UGT8: variants seen among roughly 807,000 people sequenced by gnomAD.
UGT8 encodes the protein UDP glycosyltransferase 8.
UGT8 carries 12 observed loss-of-function variants against 40.5 expected under a neutral mutation model. That is an observed-to-expected ratio of 0.30 (90% confidence interval 0.19 to 0.48). UGT8 has a LOEUF of 0.48. Among genes scored for constraint, UGT8 ranks in the 20% least tolerant of loss-of-function variants. UGT8 has a pLI of 0.99. For synonymous variants in UGT8, 224 were observed against 240.4 expected (o/e 0.93, Z 0.63); for missense variants, 513 against 648.7 (o/e 0.79, Z 2.27).
intron 2 of UGT8, among the ~76,000 whole-genome samples, chr4:114,661,498 A>G (rs1734534060): frequency 6.6e-6 from 1 of 152,146 alleles, no homozygotes; most frequent in African/African-American, 2.4e-5. Context: ...AGTTCAGCAA[A>G]TTTAAGATTG....
At chr4:114,672,944 G>A (rs1015883501) in intron 5 of UGT8, among the ~76,000 whole-genome samples, 1 of 152,108 alleles carries the variant, frequency 6.6e-6, no homozygotes, top group Non-Finnish European at 1.5e-5. Context: ...GGATTCCTTT[G>A]AGTCTGGAGC....
intron 4 of UGT8, among the ~76,000 whole-genome samples, chr4:114,666,544 T>G (rs1203593794): frequency 6.6e-6 from 1 of 152,052 alleles, no homozygotes; most frequent in Non-Finnish European, 1.5e-5. Context: ...GATCCTTGTA[T>G]TTTTTTATTT....
chr4:114,675,689 G>A (rs377038518), intron 5 of UGT8: 1 of 157,134 alleles, frequency 6.4e-6, no homozygotes, highest in South Asian at 2.4e-4. Context: ...GCAGTGAGCC[G>A]AGATCCCGCC....
At chr4:114,617,002 C>G (rs886871567) in intron 1 of UGT8, among the ~76,000 whole-genome samples, 1 of 152,118 alleles carries the variant, frequency 6.6e-6, no homozygotes, top group Non-Finnish European at 1.5e-5. Flanking sequence ...CCTGTAATCC[C>G]AGCACTTTGG....
chr4:114,647,362 G>A (rs1264278243), intron 2 of UGT8, among the ~76,000 whole-genome samples: 1 of 150,542 alleles, frequency 6.6e-6, no homozygotes, highest in African/African-American at 2.4e-5. Context: ...TCTTTTGTGT[G>A]TGTGTGTGTG....
chr4:114,676,627 ATGTG>A lies in UGT8; in HGVS notation c.*349_*352del, dbSNP rs771625987. 233 of 220,878 alleles carry A rather than the reference ATGTG, an allele frequency of 1.1e-3. 3 individuals carry two copies. The highest frequency in any genetic ancestry group is 2.8e-3 in the Admixed American group (52 of 18,378). 13.7% of individuals were successfully genotyped at this position (220,878 alleles called of 1,614,324 possible). The stretch of plus-strand genomic sequence containing the variant: ...AGGAATGGTTTCATTTTTCTTAATA[ATGTG>A]TGTGTGTGTATGTGTGTGTGTGTGT... On this transcript the variant is annotated 3_prime_UTR_variant, in exon 6 of 6. Transcript: ENST00000310836.
chr4:114,655,067 T>TG (rs1406113526), intron 2 of UGT8, among the ~76,000 whole-genome samples: 4 of 140,612 alleles, frequency 2.8e-5, no homozygotes, highest in African/African-American at 1.1e-4. Context: ...TTGTTTTTTG[T>TG]TTTTTTTTTT....
rs761012593 is a variant in UGT8, at chr4:114,676,062, T to G, written c.1400T>G (p.Ile467Ser). 5 of 1,614,212 alleles carry G rather than the reference T, an allele frequency of 3.1e-6. No homozygotes were observed. Among genetic ancestry groups the G allele is most frequent in the Non-Finnish European group, 4.2e-6 (5 of 1,180,024 alleles). Residue 467 changes from isoleucine (I) to serine (S), a missense_variant, in exon 6 of 6, where the codon ATC (isoleucine) becomes AGC (serine). By Grantham distance (142) the Ile-to-Ser change is moderately radical. Around this residue, in one of 3 missense-constraint regions of UGT8, gnomAD observed 175 missense variants for 186.7 expected, o/e 0.94. Transcript: ENST00000310836. ...CACCTACGTGCCGCTGTCCATCAGA[T>G]CTCCTTTTGTCAGTATTTTTTACTG... ...AHHLRAAVHQ[I>S]SFCQYFLLDI...
chr4:114,642,002 TATAA>T (rs1733252943), intron 2 of UGT8, among the ~76,000 whole-genome samples: 1 of 152,164 alleles, frequency 6.6e-6, no homozygotes, highest in Non-Finnish European at 1.5e-5. Flanking sequence ...ATTAAAGGGA[TATAA>T]ATAAATATCA....
intron 1 of UGT8, among the ~76,000 whole-genome samples, chr4:114,600,141 AG>A (rs1730355683): frequency 1.3e-5 from 2 of 152,238 alleles, no homozygotes; most frequent in South Asian, 4.2e-4. Flanking sequence ...CGCCAAGGGA[AG>A]GAGTGGGTGG....
chr4:114,668,753 G>C (rs1465729442), intron 5 of UGT8, among the ~76,000 whole-genome samples: 2 of 152,246 alleles, frequency 1.3e-5, no homozygotes, highest in African/African-American at 4.8e-5. Flanking sequence ...CCAAGACAGT[G>C]TTCTTTGTAC....
intron 1 of UGT8, among the ~76,000 whole-genome samples, chr4:114,611,443 T>TACAC (rs1335179484): frequency 1.2e-4 from 9 of 72,772 alleles, no homozygotes; most frequent in African/African-American, 4.4e-4. Flanking sequence ...TATATATATA[T>TACAC]ATACACACAC....
At chr4:114,631,044 T>C (rs138856997) in intron 2 of UGT8, among the ~76,000 whole-genome samples, 18 of 152,288 alleles carry the variant, frequency 1.2e-4, no homozygotes, top group Admixed American at 3.3e-4. Context: ...CTAGACTCAG[T>C]AACCTAGAAA....
rs1302457090 is a variant in UGT8 at position 114,677,292 on chromosome 4, T to C, written c.*1004T>C. 4 of 152,242 alleles carry C rather than the reference T, an allele frequency of 2.6e-5. No homozygotes were observed. The allele number at this position is 152,242 out of a possible 1,614,324, so 9.4% of individuals were successfully genotyped here. A position where few individuals can be genotyped will look rare whatever the true frequency, so the allele number is the denominator to read the frequency against. Reference sequence around the variant, plus strand: ...AAAGTTTAACTTTTAAAAAACCATCTTCTGATCCCTTTTATTGTCTGGGCC... The same window carrying C: ...AAAGTTTAACTTTTAAAAAACCATCCTCTGATCCCTTTTATTGTCTGGGCC... On this transcript the variant is annotated 3_prime_UTR_variant, in exon 6 of 6. Coordinates refer to ENST00000310836, the MANE Select transcript of UGT8 (RefSeq NM_001128174.3).
intron 1 of UGT8, among the ~76,000 whole-genome samples, chr4:114,600,159 C>G (rs1279788935): frequency 6.6e-6 from 1 of 151,930 alleles, no homozygotes; most frequent in African/African-American, 2.4e-5. Flanking sequence ...GTGGCGGTAT[C>G]AAACCAGGCG....
Position 114,631,939 on chromosome 4 carries a change from C to T in UGT8, c.822+8237C>T, listed in dbSNP as rs114638369. Among the ~76,000 whole-genome samples, 1,099 of 152,256 alleles carry T rather than the reference C, an allele frequency of 7.2e-3. 16 individuals are homozygous for T. The highest frequency in any genetic ancestry group is 0.025 in the African/African-American group (1,018 of 41,544). ...AACAGCTCATTACCTTACAGTTCCA[C>T]TTTGTGAAACTAAGATGATGCTGTT... On this transcript the variant is annotated intron_variant, in intron 2 of 5. Coordinates refer to ENST00000310836, the MANE Select transcript of UGT8 (RefSeq NM_001128174.3).
chr4:114,652,950 A>T (rs545928958), intron 2 of UGT8, among the ~76,000 whole-genome samples: 4 of 152,170 alleles, frequency 2.6e-5, no homozygotes, highest in Admixed American at 2.0e-4. Context: ...TCTAGAAGGC[A>T]CTGTATCATG....
At chr4:114,655,226 G>C (rs1415090171) in intron 2 of UGT8, among the ~76,000 whole-genome samples, 6 of 151,882 alleles carry the variant, frequency 4.0e-5, no homozygotes. Context: ...TGGGATATTT[G>C]TTTTTGTTTG....
intron 2 of UGT8, among the ~76,000 whole-genome samples, chr4:114,628,498 A>G (rs1732379364): frequency 6.6e-6 from 1 of 152,028 alleles, no homozygotes; most frequent in African/African-American, 2.4e-5. Context: ...TAGTGAGGAA[A>G]GAAGATAACC....
Sources: gnomAD v4.1 joint callset for allele counts (sites outside exome capture counted in the v4.1 genomes callset) on GRCh38, gnomAD v4.1.1 for gene constraint, gnomAD v4.1.1 regional missense constraint, MANE v1.5 for transcripts, NCBI Gene and HGNC (gene_info 2026-07-23, HGNC 2026-07-21) for gene names.